CES5A: variants seen among roughly 807,000 people sequenced by gnomAD.
The protein encoded by CES5A is carboxylesterase 5.
Under a neutral mutation model 62.9 loss-of-function variants are expected in CES5A, and 67 were observed. The observed-to-expected ratio is 1.07, with a 90% CI of 0.88 to 1.31. The LOEUF is 1.31. Ranked by LOEUF, CES5A falls within the 50% of genes most tolerant of loss-of-function variation. The pLI, the probability that CES5A is intolerant of heterozygous loss-of-function variation, is 0.00. For synonymous variants in CES5A, 296 were observed against 280.8 expected (o/e 1.05, Z -0.54); for missense variants, 748 against 708.5 (o/e 1.06, Z -0.63).
At chr16:55,929,353 C>T (rs1363507102), upstream of CES5A, among the ~76,000 whole-genome samples, 1 of 152,210 alleles carries the variant, frequency 6.6e-6, no homozygotes, top group East Asian at 1.9e-4. Context: ...ACAGCATCCC[C>T]CTCATACCCC....
intron 3 of CES5A, 60 bp downstream of exon 3, chr16:55,871,565 C>T (rs1567333748): frequency 1.8e-5 from 29 of 1,602,296 alleles, no homozygotes; most frequent in Non-Finnish European, 2.2e-5. Flanking sequence ...GCTGCACTGC[C>T]TGGATCCCAG....
Position 55,869,794 on chromosome 16 carries a change from C to T in CES5A, c.418-50G>A, listed in dbSNP as rs200272022. The T allele has an allele frequency of 1.0e-4, 155 of 1,554,006 alleles. 1 individual carries two copies. The highest frequency in any genetic ancestry group is 1.2e-4 in the Non-Finnish European group (142 of 1,146,572). On this transcript the variant is annotated intron_variant, in intron 3 of 12. Transcript: ENST00000290567. Reference sequence around the variant, plus strand: ...GTCAGCCCACCAGGCACCACCTCCCCTCCCCATGCAGTTTGAGGCACACGT... The same window carrying T: ...GTCAGCCCACCAGGCACCACCTCCCTTCCCCATGCAGTTTGAGGCACACGT...
At chr16:55,916,878 A>G in intron 1 of CES5A, among the ~76,000 whole-genome samples, 1 of 151,848 alleles carries the variant, frequency 6.6e-6, no homozygotes, top group East Asian at 1.9e-4. Context: ...TTGCCAATCA[A>G]CTCCCTGTGG....
upstream of CES5A, among the ~76,000 whole-genome samples, chr16:55,926,871 A>T (rs1486061833): frequency 6.6e-6 from 1 of 152,232 alleles, no homozygotes; most frequent in Non-Finnish European, 1.5e-5. Context: ...GCTTTGACTG[A>T]ACCACATCCA....
intron 7 of CES5A, 47 bp from the exon 8 acceptor site, chr16:55,859,734 C>A (rs751042496): frequency 6.4e-7 from 1 of 1,563,566 alleles, no homozygotes; most frequent in Non-Finnish European, 8.7e-7. Context: ...TCAGCTATTT[C>A]TGTTCACAAA....
At chr16:55,912,847 G>C (rs1253734119) in intron 1 of CES5A, among the ~76,000 whole-genome samples, 1 of 152,164 alleles carries the variant, frequency 6.6e-6, no homozygotes, top group Non-Finnish European at 1.5e-5. Context: ...AGACAAAAAG[G>C]GCTCTTTGCC....
chr16:55,920,582 C>A (rs145336459), intron 1 of CES5A, among the ~76,000 whole-genome samples: 2 of 152,140 alleles, frequency 1.3e-5, no homozygotes, highest in Admixed American at 1.3e-4. Context: ...GCTTAAAGCG[C>A]TACCTAGAGT....
intron 1 of CES5A, among the ~76,000 whole-genome samples, chr16:55,890,679 A>G (rs528552217): frequency 1.3e-5 from 2 of 152,324 alleles, no homozygotes; most frequent in African/African-American, 4.8e-5. Flanking sequence ...GTATTACAAC[A>G]AACTGAGGCT....
intron 1 of CES5A, among the ~76,000 whole-genome samples, chr16:55,884,780 C>T (rs1374508811): frequency 1.3e-5 from 2 of 152,060 alleles, no homozygotes; most frequent in African/African-American, 2.4e-5. Flanking sequence ...TGTGTAGAGA[C>T]AGTGCCTCCT....
At chr16:55,953,383 C>T (rs1318818031) in intron 1 of CES5A, among the ~76,000 whole-genome samples, 5 of 152,094 alleles carry the variant, frequency 3.3e-5, no homozygotes, top group Admixed American at 3.3e-4. Flanking sequence ...AGAGACAAAA[C>T]TGTTAGTATA....
At chr16:55,921,163 A>C (rs916262364) in intron 1 of CES5A, among the ~76,000 whole-genome samples, 3 of 152,184 alleles carry the variant, frequency 2.0e-5, no homozygotes, top group Admixed American at 6.5e-5. Flanking sequence ...ATTGTTGTTC[A>C]AAGAGAGTTC....
At chr16:55,910,500 T>G (rs1411260149) in intron 1 of CES5A, among the ~76,000 whole-genome samples, 3 of 152,132 alleles carry the variant, frequency 2.0e-5, no homozygotes, top group Non-Finnish European at 4.4e-5. Context: ...CATTAACCAT[T>G]TGATTGCACA....
intron 1 of CES5A, among the ~76,000 whole-genome samples, chr16:55,890,194 G>T (rs979558027): frequency 1.3e-5 from 2 of 151,634 alleles, no homozygotes. Flanking sequence ...GCAAAAGAAA[G>T]GCAGAAAGCT....
chr16:55,903,316 G>A (rs1376515096), intron 1 of CES5A, among the ~76,000 whole-genome samples: 4 of 152,190 alleles, frequency 2.6e-5, no homozygotes, highest in Non-Finnish European at 4.4e-5. Flanking sequence ...GCCTAGCACA[G>A]TGCATGAAAC....
chr16:55,916,861 G>T (rs1322503587), intron 1 of CES5A, among the ~76,000 whole-genome samples: 1 of 152,106 alleles, frequency 6.6e-6, no homozygotes, highest in Non-Finnish European at 1.5e-5. Context: ...CCAGCTGCTG[G>T]TCCAGGTTGC....
chr16:55,924,462 TA>T (rs2034239139), intron 1 of CES5A, among the ~76,000 whole-genome samples: 1 of 151,834 alleles, frequency 6.6e-6, no homozygotes, highest in Non-Finnish European at 1.5e-5. Context: ...CTCATGGATT[TA>T]AAAAATTAAT....
At chr16:55,930,205 C>A (rs2034296202), upstream of CES5A, among the ~76,000 whole-genome samples, 1 of 151,176 alleles carries the variant, frequency 6.6e-6, no homozygotes, top group South Asian at 2.1e-4. Context: ...CTGTCAGAAC[C>A]CCCCACAATT....
chr16:55,887,176 T>A (rs2033825304), intron 1 of CES5A, among the ~76,000 whole-genome samples: 1 of 152,052 alleles, frequency 6.6e-6, no homozygotes, highest in Admixed American at 6.6e-5. Context: ...TTGACCCCTG[T>A]CACCATCACT....
intron 1 of CES5A, among the ~76,000 whole-genome samples, chr16:55,919,608 C>T (rs1259847443): frequency 6.6e-6 from 1 of 152,230 alleles, no homozygotes; most frequent in Non-Finnish European, 1.5e-5. Flanking sequence ...GTCAAAGCCA[C>T]TAGCCACATA....
Sources: gnomAD v4.1 joint callset for allele counts (sites outside exome capture counted in the v4.1 genomes callset) on GRCh38, gnomAD v4.1.1 for gene constraint, MANE v1.5 for transcripts, NCBI Gene and HGNC (gene_info 2026-07-23, HGNC 2026-07-21) for gene names.